EPB41L4B: variants seen among roughly 807,000 people sequenced by gnomAD.
EPB41L4B encodes the protein erythrocyte membrane protein band 4.1 like 4B.
A neutral mutation model predicts 112.5 loss-of-function variants in EPB41L4B; 30 were observed. That is an observed-to-expected ratio of 0.27 (90% confidence interval 0.20 to 0.36). The LOEUF (loss-of-function observed/expected upper bound fraction) is 0.36, where lower values mean the gene tolerates loss of function less well. Among genes scored for constraint, EPB41L4B ranks in the 10% least tolerant of loss-of-function variants. The probability of loss-of-function intolerance (pLI) is 1.00; values close to 1 mark genes in which losing one functional copy is unlikely to be tolerated. For synonymous variants in EPB41L4B, 408 were observed against 439.7 expected (o/e 0.93, Z 0.90); for missense variants, 1,024 against 1,133.3 (o/e 0.90, Z 1.38).
chr9:109,174,019 GA>G lies in EPB41L4B; in HGVS notation c.*534del, dbSNP rs1831720994. ...AAGCTGAAGTACCTTCAGTCATAGTGATATGTAACTTTCTTTTTTTAGTTCT... is the reference window on the plus strand; with the variant it reads ...AAGCTGAAGTACCTTCAGTCATAGTGTATGTAACTTTCTTTTTTTAGTTCT... On this transcript the variant is annotated 3_prime_UTR_variant, in exon 26 of 26. Transcript: ENST00000374566. 1 of 152,524 alleles carries G rather than the reference GA, an allele frequency of 6.6e-6. No homozygotes were observed. Among genetic ancestry groups the G allele is most frequent in the South Asian group, 2.1e-4 (1 of 4,836 alleles). The allele number at this position is 152,524 out of a possible 1,614,324, so 9.4% of individuals were successfully genotyped here. A position where few individuals can be genotyped will look rare whatever the true frequency, so the allele number is the denominator to read the frequency against.
chr9:109,180,225 G>A (rs578060702), intron 24 of EPB41L4B, among the ~76,000 whole-genome samples: 18 of 152,246 alleles, frequency 1.2e-4, no homozygotes, highest in African/African-American at 4.1e-4. Flanking sequence ...AGCTGTCTTC[G>A]AGCCACTCTT....
At chr9:109,269,629 TA>T (rs1276502679) in intron 2 of EPB41L4B, among the ~76,000 whole-genome samples, 1 of 152,136 alleles carries the variant, frequency 6.6e-6, no homozygotes, top group Non-Finnish European at 1.5e-5. Flanking sequence ...AAATATAAAT[TA>T]TTTTTTTAAA....
intron 1 of EPB41L4B, among the ~76,000 whole-genome samples, chr9:109,311,677 CAG>C (rs1837417955): frequency 6.6e-6 from 1 of 152,188 alleles, no homozygotes; most frequent in Non-Finnish European, 1.5e-5. Context: ...TCAGAAAAGA[CAG>C]GGGATTTTAC....
chr9:109,262,957 C>T, intron 6 of EPB41L4B, 93 bp downstream of exon 6: 1 of 878,836 alleles, frequency 1.1e-6, no homozygotes, highest in Non-Finnish European at 1.8e-6. Flanking sequence ...ATCCCCAAAG[C>T]TAAGCACTGG....
chr9:109,258,337 A>C, intron 6 of EPB41L4B, 40 bp from the exon 7 acceptor site: 1 of 1,598,906 alleles, frequency 6.3e-7, no homozygotes, highest in Non-Finnish European at 8.6e-7. Context: ...GGAGACATTG[A>C]ATGATTTCAG....
chr9:109,182,256 A>ATGCG (rs1238597337), intron 24 of EPB41L4B, among the ~76,000 whole-genome samples: 1 of 152,236 alleles, frequency 6.6e-6, no homozygotes, highest in Non-Finnish European at 1.5e-5. Flanking sequence ...GTATTGATAC[A>ATGCG]TGCGTGGATG....
At chr9:109,256,030 A>C in intron 9 of EPB41L4B, 106 bp downstream of exon 9, 2 of 1,193,662 alleles carry the variant, frequency 1.7e-6, no homozygotes, top group Middle Eastern at 2.3e-4. Context: ...GTGTGCTCTG[A>C]GGATGAATCT....
rs74900860 is a variant in EPB41L4B at position 109,299,578 on chromosome 9, A to G, written c.307-19657T>C. ...GCTTGGATTATAGGCATGAGCCATG[A>G]TGTGCAGCAAGTTTTGTTTTGTTTT... is the stretch of plus-strand genomic sequence containing the variant. On this transcript the variant is annotated intron_variant, in intron 1 of 25. Coordinates refer to ENST00000374566, the MANE Select transcript of EPB41L4B (RefSeq NM_019114.5). 6.6e-5 allele frequency among the ~76,000 whole-genome samples: 10 copies of G among 152,134 alleles called. No individual in the cohort carries two copies. In the East Asian group the frequency reaches 1.9e-3, roughly 29 times the overall value.
intron 15 of EPB41L4B, among the ~76,000 whole-genome samples, chr9:109,236,288 A>G (rs1834138728): frequency 1.3e-5 from 2 of 152,164 alleles, no homozygotes; most frequent in South Asian, 4.1e-4. Flanking sequence ...AAAGCCATAT[A>G]AAGAACCACT....
chr9:109,185,441 C>T, intron 23 of EPB41L4B, 48 bp downstream of exon 23: 4 of 1,557,266 alleles, frequency 2.6e-6, no homozygotes, highest in Non-Finnish European at 3.5e-6. Context: ...TGGCTCCTGC[C>T]CACCTCACCT....
At chr9:109,240,087 G>A in intron 15 of EPB41L4B, 1 of 985,106 alleles carries the variant, frequency 1.0e-6, no homozygotes, top group Non-Finnish European at 1.2e-6. Flanking sequence ...CTGTTACCAA[G>A]GTCATTCACA....
At chr9:109,294,321 A>G (rs1409981078) in intron 1 of EPB41L4B, among the ~76,000 whole-genome samples, 4 of 151,526 alleles carry the variant, frequency 2.6e-5, no homozygotes, top group Non-Finnish European at 5.9e-5. Context: ...AAAAAAAAAA[A>G]AAAATCATTG....
chr9:109,293,379 CT>C (rs3061572), intron 1 of EPB41L4B, among the ~76,000 whole-genome samples: 2,622 of 146,090 alleles, frequency 0.018, 62 homozygotes, highest in East Asian at 0.093. Flanking sequence ...CATATGCATT[CT>C]TTTTTTTTTT....
intron 18 of EPB41L4B, 103 bp downstream of exon 18, chr9:109,207,821 C>A: frequency 6.9e-7 from 1 of 1,443,896 alleles, no homozygotes; most frequent in Non-Finnish European, 9.5e-7. Flanking sequence ...CTGACTGGAC[C>A]CTGACTGACA....
intron 15 of EPB41L4B, chr9:109,240,392 CA>C (rs1284828669): frequency 1.0e-6 from 1 of 985,018 alleles, no homozygotes; most frequent in Non-Finnish European, 1.2e-6. Flanking sequence ...TTGCAGTAGC[CA>C]AAAAAGATCA....
At chr9:109,290,135 G>T (rs80042915) in intron 1 of EPB41L4B, among the ~76,000 whole-genome samples, 1,669 of 152,276 alleles carry the variant, frequency 0.011, 31 homozygotes, top group African/African-American at 0.038. Context: ...AGAAATGGTG[G>T]GTTGGAAACT....
chr9:109,200,184 C>A, intron 20 of EPB41L4B, 52 bp downstream of exon 20: 1 of 1,469,276 alleles, frequency 6.8e-7, no homozygotes, highest in South Asian at 1.1e-5. Flanking sequence ...TGTATCTAAA[C>A]AATTAGTCAT....
intron 9 of EPB41L4B, 66 bp from the exon 10 acceptor site, chr9:109,255,909 G>C: frequency 4.9e-6 from 7 of 1,420,044 alleles, no homozygotes; most frequent in Non-Finnish European, 6.8e-6. Context: ...TCAAATAGCA[G>C]TTTCCTTTCT....
At chr9:109,258,900 C>T (rs576406490) in intron 6 of EPB41L4B, among the ~76,000 whole-genome samples, 7 of 152,210 alleles carry the variant, frequency 4.6e-5, no homozygotes, top group Middle Eastern at 3.4e-3. Flanking sequence ...AGCAGCCACA[C>T]GAGTGATCCG....
Sources: gnomAD v4.1 joint callset for allele counts (sites outside exome capture counted in the v4.1 genomes callset) on GRCh38, gnomAD v4.1.1 for gene constraint, MANE v1.5 for transcripts, NCBI Gene and HGNC (gene_info 2026-07-23, HGNC 2026-07-21) for gene names.